Variants in PREX2 observed in about 807,000 individuals in gnomAD.
The protein encoded by PREX2 is phosphatidylinositol-3,4,5-trisphosphate dependent Rac exchange factor 2.
A neutral mutation model predicts 203.2 loss-of-function variants in PREX2; 107 were observed. The ratio of observed to expected loss-of-function variants is 0.53; its 90% confidence interval spans 0.45 to 0.62. The LOEUF (loss-of-function observed/expected upper bound fraction) is 0.62. Among genes scored for constraint, PREX2 ranks in the 20% least tolerant of loss-of-function variants. PREX2 has a pLI of 0.00. For synonymous variants in PREX2, 672 were observed against 663.6 expected (o/e 1.01, Z -0.19); for missense variants, 1,777 against 1,955.9 (o/e 0.91, Z 1.72).
At chr8:68,018,144 A>G (rs1263700058) in intron 2 of PREX2, among the ~76,000 whole-genome samples, 1 of 151,722 alleles carries the variant, frequency 6.6e-6, no homozygotes, top group East Asian at 1.9e-4. Context: ...TTTTTTTTCA[A>G]CCAAGGCCTT....
At chr8:67,968,851 A>G (rs1033390904) in intron 1 of PREX2, among the ~76,000 whole-genome samples, 3 of 152,200 alleles carry the variant, frequency 2.0e-5, no homozygotes, top group Non-Finnish European at 4.4e-5. Flanking sequence ...CGTTGTACCA[A>G]ACTAACCCAC....
At chr8:68,061,530 C>A (rs1417964366) in intron 11 of PREX2, among the ~76,000 whole-genome samples, 3 of 152,102 alleles carry the variant, frequency 2.0e-5, no homozygotes, top group Admixed American at 1.3e-4. Flanking sequence ...TTCAGCAGGT[C>A]TGCCTCCGTG....
chr8:68,010,034 C>T (rs960773213), intron 1 of PREX2, among the ~76,000 whole-genome samples: 1 of 152,178 alleles, frequency 6.6e-6, no homozygotes, highest in Non-Finnish European at 1.5e-5. Flanking sequence ...ATTAATACCT[C>T]GTGCTCTAAG....
At chr8:68,195,025 A>C (rs948918952) in intron 37 of PREX2, among the ~76,000 whole-genome samples, 1 of 152,170 alleles carries the variant, frequency 6.6e-6, no homozygotes, top group Admixed American at 6.5e-5. Flanking sequence ...GTCTGGATAC[A>C]CTGGAACCAA....
chr8:68,021,950 A>T, intron 3 of PREX2, 86 bp from the exon 4 acceptor site: 2 of 701,082 alleles, frequency 2.9e-6, no homozygotes, highest in Non-Finnish European at 5.2e-6. Context: ...GTAAACACTC[A>T]GTGAAGTTTC....
intron 35 of PREX2, among the ~76,000 whole-genome samples, chr8:68,188,345 C>T (rs1385059113): frequency 6.6e-6 from 1 of 152,174 alleles, no homozygotes; most frequent in African/African-American, 2.4e-5. Context: ...CATCCCACTT[C>T]AAATGAACTT....
chr8:68,161,081 T>TTTTC (rs1369461999), intron 35 of PREX2, among the ~76,000 whole-genome samples: 5 of 152,020 alleles, frequency 3.3e-5, no homozygotes, highest in African/African-American at 7.2e-5. Context: ...TTTTCTTTTC[T>TTTTC]TTTCTTTCTT....
chr8:68,233,532 T>C lies in PREX2; in HGVS notation c.*2154T>C, dbSNP rs1372154680. On this transcript the variant is annotated 3_prime_UTR_variant, in exon 40 of 40. Coordinates refer to ENST00000288368, the MANE Select transcript of PREX2 (RefSeq NM_024870.4). ...TGGTACTTACTAAATGCTCAAAAAT[T>C]AGTAATGGTTTATATTAACATCAGT... is the stretch of plus-strand genomic sequence containing the variant. 6.6e-6 allele frequency: 1 copy of C among 152,194 alleles called. No individual in the cohort carries two copies. Among genetic ancestry groups the C allele is most frequent in the Non-Finnish European group, 1.5e-5 (1 of 68,040 alleles). The allele number at this position is 152,194 out of a possible 1,614,324, so 9.4% of individuals were successfully genotyped here.
chr8:68,210,862 G>A (rs754901121), intron 37 of PREX2, among the ~76,000 whole-genome samples: 2 of 152,098 alleles, frequency 1.3e-5, no homozygotes, highest in Non-Finnish European at 2.9e-5. Context: ...TTAAAGGGGA[G>A]GGTTAACATG....
chr8:68,164,353 TATATATATATATACACACACACAC>T (rs1585838661), intron 35 of PREX2, among the ~76,000 whole-genome samples: 1 of 49,942 alleles, frequency 2.0e-5, no homozygotes, highest in East Asian at 4.1e-4. Context: ...ATATGTATTA[TATATATATATATACACACACACAC>T]ATATATATAC....
At chr8:68,043,391 A>ATT (rs11443850) in intron 7 of PREX2, among the ~76,000 whole-genome samples, 1 of 151,752 alleles carries the variant, frequency 6.6e-6, no homozygotes, top group African/African-American at 2.4e-5. Context: ...GGAATATGCA[A>ATT]TTTTTTTCCA....
chr8:68,079,886 G>T (rs1329266795), intron 15 of PREX2, among the ~76,000 whole-genome samples: 1 of 152,080 alleles, frequency 6.6e-6, no homozygotes, highest in African/African-American at 2.4e-5. Context: ...AAACAGAAAA[G>T]AAACAGGAAT....
At chr8:68,139,027 C>G (rs1811168548) in intron 33 of PREX2, among the ~76,000 whole-genome samples, 1 of 152,124 alleles carries the variant, frequency 6.6e-6, no homozygotes, top group Non-Finnish European at 1.5e-5. Context: ...TCAAAAGCTC[C>G]TTAAATGCCT....
intron 33 of PREX2, among the ~76,000 whole-genome samples, chr8:68,139,062 T>A (rs184117436): frequency 3.3e-5 from 5 of 152,314 alleles, no homozygotes; most frequent in Admixed American, 2.0e-4. Context: ...CTATTCTTGG[T>A]GTTGGATTCA....
At chr8:68,174,004 A>G (rs1001704375) in intron 35 of PREX2, among the ~76,000 whole-genome samples, 1 of 152,132 alleles carries the variant, frequency 6.6e-6, no homozygotes, top group African/African-American at 2.4e-5. Flanking sequence ...TTTATTTTTA[A>G]CTCTGTTGAC....
chr8:68,063,572 T>C (rs1808926191), intron 11 of PREX2, among the ~76,000 whole-genome samples: 1 of 152,214 alleles, frequency 6.6e-6, no homozygotes, highest in Non-Finnish European at 1.5e-5. Context: ...CACAAGTCAC[T>C]ATATTAGGGA....
At chr8:68,055,724 C>G in intron 9 of PREX2, 106 bp from the exon 10 acceptor site, 2 of 1,057,184 alleles carry the variant, frequency 1.9e-6, no homozygotes, top group Admixed American at 2.3e-5. Flanking sequence ...TCCACAACCC[C>G]CAGCACATGG....
intron 31 of PREX2, among the ~76,000 whole-genome samples, chr8:68,133,292 A>G (rs1811045022): frequency 6.6e-6 from 1 of 152,144 alleles, no homozygotes; most frequent in Non-Finnish European, 1.5e-5. Flanking sequence ...CTCTTCCTCA[A>G]CACCTGGGGA....
chr8:68,053,302 G>A, intron 9 of PREX2, 56 bp downstream of exon 9: 2 of 1,562,260 alleles, frequency 1.3e-6, no homozygotes, highest in Non-Finnish European at 8.8e-7. Context: ...CTTAGCATAG[G>A]AGCAGATAAT....
Sources: gnomAD v4.1 joint callset for allele counts (sites outside exome capture counted in the v4.1 genomes callset) on GRCh38, gnomAD v4.1.1 for gene constraint, MANE v1.5 for transcripts, NCBI Gene and HGNC (gene_info 2026-07-23, HGNC 2026-07-21) for gene names.